Variants in HSDL1 observed in about 807,000 individuals in gnomAD.
HSDL1 encodes the protein inactive hydroxysteroid dehydrogenase-like protein 1.
In HSDL1, 29 loss-of-function variants were observed where a neutral mutation model predicts 31.5. The observed-to-expected ratio is 0.92, with a 90% CI of 0.69 to 1.26. The LOEUF is 1.26. Among genes scored for constraint, HSDL1 ranks in the 50% most tolerant of loss-of-function variants. The probability of loss-of-function intolerance (pLI) is 0.00; values close to 1 mark genes in which losing one functional copy is unlikely to be tolerated. For synonymous variants in HSDL1, 222 were observed against 155.2 expected (o/e 1.43, Z -3.20); for missense variants, 503 against 416.6 (o/e 1.21, Z -1.81).
chr16:84,142,313 G>A (rs556957915), intron 1 of HSDL1, among the ~76,000 whole-genome samples: 1 of 152,046 alleles, frequency 6.6e-6, no homozygotes, highest in South Asian at 2.1e-4. Flanking sequence ...CTTAGCCTCA[G>A]GTCATGAAGA....
chr16:84,142,717 G>A (rs28396283), intron 1 of HSDL1, among the ~76,000 whole-genome samples: 23,155 of 151,980 alleles, frequency 0.15, 1,851 homozygotes, highest in Non-Finnish European at 0.18. Context: ...GCACTGGGAT[G>A]TGACCGGCCG....
Position 84,145,173 on chromosome 16 carries a change from C to T in HSDL1, c.-162G>A, listed in dbSNP as rs1458270639. On this transcript the variant is annotated 5_prime_UTR_variant, in exon 1 of 6. Coordinates refer to ENST00000219439, the MANE Select transcript of HSDL1 (RefSeq NM_031463.5). Reference sequence around the variant, plus strand: ...GCCGGAGCTGCTGCCGCGCCGCGCCCTCACGTGACCCGCGTACGCGCCGGG... The same window carrying T: ...GCCGGAGCTGCTGCCGCGCCGCGCCTTCACGTGACCCGCGTACGCGCCGGG... 1 of 269,936 alleles carries T rather than the reference C, an allele frequency of 3.7e-6. No homozygotes were observed. The highest frequency in any genetic ancestry group is 2.2e-5 in the African/African-American group (1 of 44,592). The allele number at this position is 269,936 out of a possible 1,614,324, so 16.7% of individuals were successfully genotyped here. A position where few individuals can be genotyped will look rare whatever the true frequency, so the allele number is the denominator to read the frequency against.
At chr16:84,125,122 CCCA>C (rs1391177012) in intron 5 of HSDL1, 3 of 176,748 alleles carry the variant, frequency 1.7e-5, no homozygotes, top group African/African-American at 7.3e-5. Flanking sequence ...ACAACAAATA[CCCA>C]CCAATCACAA....
Position 84,122,622 on chromosome 16 carries a change from G to A in HSDL1, c.*2008C>T, listed in dbSNP as rs376448102. 6.6e-6 allele frequency: 1 copy of A among 152,234 alleles called. No homozygotes were observed. The highest frequency in any genetic ancestry group is 2.1e-4 in the South Asian group (1 of 4,828). 9.4% of individuals were successfully genotyped at this position (152,234 alleles called of 1,614,324 possible). A position where few individuals can be genotyped will look rare whatever the true frequency, so the allele number is the denominator to read the frequency against. On this transcript the variant is annotated 3_prime_UTR_variant, in exon 6 of 6. Transcript: ENST00000219439. ...CTGCCCTGGCCTTCCAAACTGCTGG[G>A]ATTACAGGTGTGAGCCACCGCACTC...
At chr16:84,139,492 CT>C (rs2086745556) in intron 1 of HSDL1, among the ~76,000 whole-genome samples, 8 of 152,178 alleles carry the variant, frequency 5.3e-5, no homozygotes, top group Admixed American at 5.2e-4. Flanking sequence ...GGATTCTCCC[CT>C]GGAGCCTCCA....
rs2086583217 is a variant in HSDL1 at position 84,124,535 on chromosome 16, A to G, written c.*95T>C. On this transcript the variant is annotated 3_prime_UTR_variant, in exon 6 of 6. Transcript: ENST00000219439. ...TCAACAGTATGCTGAATAATCAGCA[A>G]TGAAACACAGGAGATAAATTAAATG... 2 of 787,304 alleles carry G rather than the reference A, an allele frequency of 2.5e-6. No individual in the cohort carries two copies. The highest frequency in any genetic ancestry group is 4.5e-6 in the Non-Finnish European group (2 of 445,740). 48.8% of individuals were successfully genotyped at this position (787,304 alleles called of 1,614,324 possible). A position where few individuals can be genotyped will look rare whatever the true frequency, so the allele number is the denominator to read the frequency against.
chr16:84,135,041 G>T (rs1180170352), intron 2 of HSDL1, among the ~76,000 whole-genome samples: 2 of 152,102 alleles, frequency 1.3e-5, no homozygotes, highest in African/African-American at 4.8e-5. Flanking sequence ...AAACCATCCT[G>T]GCCAACAGGG....
chr16:84,135,918 T>A (rs2086707834), intron 1 of HSDL1, among the ~76,000 whole-genome samples: 1 of 152,166 alleles, frequency 6.6e-6, no homozygotes, highest in Non-Finnish European at 1.5e-5. Context: ...CCCATTCCAA[T>A]CCCAGGAGCC....
At chr16:84,126,203 G>A (rs1274392598) in intron 5 of HSDL1, among the ~76,000 whole-genome samples, 3 of 152,072 alleles carry the variant, frequency 2.0e-5, no homozygotes. Context: ...ACTGGGGCTT[G>A]AGGGGTAGTA....
Position 84,131,089 on chromosome 16 carries a change from T to C in HSDL1, c.220+13A>G, listed in dbSNP as rs1050303247. The C allele has an allele frequency of 6.3e-7, 1 of 1,587,638 alleles. No homozygotes were observed. The highest frequency in any genetic ancestry group is 8.6e-7 in the Non-Finnish European group (1 of 1,159,842). ...TTCACAGAAAAGATTATTTTGATTA[T>C]AAAGTAGGTTACCGCTGACAACGGC... On this transcript the variant is annotated intron_variant, in intron 3 of 5. Coordinates refer to ENST00000219439, the MANE Select transcript of HSDL1 (RefSeq NM_031463.5).
intron 5 of HSDL1, among the ~76,000 whole-genome samples, chr16:84,125,390 CAACA>C (rs1242359158): frequency 1.3e-5 from 2 of 149,178 alleles, no homozygotes; most frequent in Non-Finnish European, 3.0e-5. Context: ...CAATCAATCA[CAACA>C]AATACCCACC....
intron 5 of HSDL1, among the ~76,000 whole-genome samples, chr16:84,129,031 G>A (rs1378671676): frequency 6.6e-6 from 1 of 152,080 alleles, no homozygotes; most frequent in African/African-American, 2.4e-5. Flanking sequence ...TTCACTTTAA[G>A]GTGCCACATA....
chr16:84,131,353 G>A, intron 2 of HSDL1, 26 bp from the exon 3 acceptor site: 1 of 1,477,738 alleles, frequency 6.8e-7, no homozygotes, highest in Non-Finnish European at 9.5e-7. Context: ...AAGAGAGAGA[G>A]CCTCTTTGAT....
chr16:84,137,965 C>T (rs576915965), intron 1 of HSDL1, among the ~76,000 whole-genome samples: 38 of 150,862 alleles, frequency 2.5e-4, no homozygotes, highest in South Asian at 6.2e-4. Flanking sequence ...CTGAGCGTTC[C>T]GCCCCACTCC....
At chr16:84,138,971 C>A (rs1486704757) in intron 1 of HSDL1, among the ~76,000 whole-genome samples, 1 of 152,192 alleles carries the variant, frequency 6.6e-6, no homozygotes, top group Non-Finnish European at 1.5e-5. Flanking sequence ...AATAGAAAAA[C>A]CTTCATGTAC....
intron 1 of HSDL1, among the ~76,000 whole-genome samples, chr16:84,139,816 G>A (rs911552509): frequency 3.9e-5 from 6 of 152,152 alleles, no homozygotes; most frequent in Non-Finnish European, 8.8e-5. Flanking sequence ...TAGACCTGAG[G>A]TCCTCCTCCT....
intron 1 of HSDL1, among the ~76,000 whole-genome samples, chr16:84,140,265 A>G (rs1388027574): frequency 6.6e-6 from 1 of 152,178 alleles, no homozygotes; most frequent in Non-Finnish European, 1.5e-5. Context: ...TTCTGTAACT[A>G]AAAGAAATTT....
rs187457270 is a variant in HSDL1 at position 84,131,993 on chromosome 16, T to A, written c.-6-666A>T. On this transcript the variant is annotated intron_variant, in intron 2 of 5. Transcript: ENST00000219439. ...ACCATGCCTGGAGATTCAGCCAATT[T>A]ATGATCTCACCATTTAACATCCGTA... Among the ~76,000 whole-genome samples the A allele has an allele frequency of 4.2e-3, 636 of 152,310 alleles. 2 individuals are homozygous for A. The highest frequency in any genetic ancestry group is 0.015 in the African/African-American group (605 of 41,566).
chr16:84,133,053 G>A (rs927325135), intron 2 of HSDL1, among the ~76,000 whole-genome samples: 1 of 149,256 alleles, frequency 6.7e-6, no homozygotes, highest in Admixed American at 6.7e-5. Context: ...GTTTGAGAAA[G>A]AATGGGGAAT....
Sources: allele counts gnomAD v4.1 joint callset (sites outside exome capture counted in the v4.1 genomes callset), GRCh38; gene constraint gnomAD v4.1.1; transcripts MANE v1.5; gene names NCBI Gene and HGNC (gene_info 2026-07-23, HGNC 2026-07-21).